RARB: variants seen among roughly 807,000 people sequenced by gnomAD.
The protein encoded by RARB is retinoic acid receptor beta, also known as HBV-activated protein.
RARB carries 17 observed loss-of-function variants against 51.9 expected under a neutral mutation model. The ratio of observed to expected loss-of-function variants is 0.33; its 90% CI spans 0.22 to 0.49. RARB has a LOEUF of 0.49. RARB is among the 20% of genes least tolerant of loss of function. RARB has a pLI of 0.99. For synonymous variants in RARB, 215 were observed against 195.4 expected (o/e 1.10, Z -0.84); for missense variants, 369 against 550.8 (o/e 0.67, Z 3.30).
At chr3:24,920,892 A>G (rs1467105439) in intron 2 of RARB, among the ~76,000 whole-genome samples, 1 of 152,202 alleles carries the variant, frequency 6.6e-6, no homozygotes, top group Non-Finnish European at 1.5e-5. Context: ...CATAATTGAT[A>G]TGATTTGAGT....
At chr3:25,064,530 A>C (rs567857298) in intron 3 of RARB, among the ~76,000 whole-genome samples, 1 of 152,180 alleles carries the variant, frequency 6.6e-6, no homozygotes, top group East Asian at 1.9e-4. Context: ...AGAGACAGTT[A>C]TGGCTTATGT....
At chr3:25,102,636 TTATA>T (rs1329650408) in intron 3 of RARB, among the ~76,000 whole-genome samples, 1 of 152,128 alleles carries the variant, frequency 6.6e-6, no homozygotes, top group Non-Finnish European at 1.5e-5. Flanking sequence ...ATTTTTGAGT[TTATA>T]TATTTATATT....
chr3:25,280,697 T>C (rs2125415670), intron 5 of RARB, among the ~76,000 whole-genome samples: 1 of 152,314 alleles, frequency 6.6e-6, no homozygotes, highest in South Asian at 2.1e-4. Context: ...CCTCATTCTT[T>C]GAAAAGTTAA....
At chr3:25,053,127 T>G (rs960419297) in intron 2 of RARB, among the ~76,000 whole-genome samples, 3 of 152,056 alleles carry the variant, frequency 2.0e-5, no homozygotes, top group Non-Finnish European at 4.4e-5. Context: ...GGGGAGAGAT[T>G]ATAGTTTTTA....
chr3:25,302,451 A>G (rs565701268), intron 5 of RARB, among the ~76,000 whole-genome samples: 30 of 152,364 alleles, frequency 2.0e-4, no homozygotes, highest in African/African-American at 5.3e-4. Flanking sequence ...GTGCCGATAC[A>G]TGTTACAACA....
intron 5 of RARB, among the ~76,000 whole-genome samples, chr3:25,309,517 A>C (rs1168148319): frequency 1.8e-5 from 1 of 55,358 alleles, no homozygotes; most frequent in Non-Finnish European, 3.3e-5. Flanking sequence ...TTTTTTTTTG[A>C]GATAGAGTCT....
At chr3:25,254,415 C>T (rs1422951818) in intron 5 of RARB, among the ~76,000 whole-genome samples, 2 of 152,160 alleles carry the variant, frequency 1.3e-5, no homozygotes, top group African/African-American at 2.4e-5. Context: ...ACTTTAGTCA[C>T]CTAGAGCCTC....
intron 2 of RARB, among the ~76,000 whole-genome samples, chr3:24,938,116 T>G (rs997121180): frequency 6.6e-6 from 1 of 152,046 alleles, no homozygotes; most frequent in Non-Finnish European, 1.5e-5. Flanking sequence ...GCTTGAGAGG[T>G]GATCAAGGTT....
At chr3:25,052,176 C>A (rs1698346115) in intron 2 of RARB, among the ~76,000 whole-genome samples, 1 of 152,166 alleles carries the variant, frequency 6.6e-6, no homozygotes, top group Non-Finnish European at 1.5e-5. Flanking sequence ...ATGTAACTTA[C>A]ATCCATCCTG....
intron 2 of RARB, among the ~76,000 whole-genome samples, chr3:25,033,242 C>T (rs939761502): frequency 7.2e-5 from 11 of 152,064 alleles, no homozygotes; most frequent in African/African-American, 2.4e-4. Context: ...AGTCCTGGCC[C>T]ACCAGAAACT....
intron 3 of RARB, among the ~76,000 whole-genome samples, chr3:25,554,889 C>T (rs1320698398): frequency 6.6e-6 from 1 of 152,120 alleles, no homozygotes; most frequent in African/African-American, 2.4e-5. Flanking sequence ...TGCCAGCCCA[C>T]GTCTCTCTTC....
chr3:25,578,022 T>A (rs1575535927), intron 4 of RARB, among the ~76,000 whole-genome samples: 1 of 152,320 alleles, frequency 6.6e-6, no homozygotes, highest in East Asian at 1.9e-4. Flanking sequence ...GTTTTCCTCA[T>A]CAGCCTGCCT....
At chr3:25,177,389 GGTGGAA>G (rs1700776483) in intron 5 of RARB, among the ~76,000 whole-genome samples, 1 of 152,144 alleles carries the variant, frequency 6.6e-6, no homozygotes, top group South Asian at 2.1e-4. Context: ...CACATACTTG[GGTGGAA>G]AAGCTGACCA....
intron 3 of RARB, among the ~76,000 whole-genome samples, chr3:25,082,877 T>G (rs1699036472): frequency 6.6e-6 from 1 of 152,094 alleles, no homozygotes; most frequent in South Asian, 2.1e-4. Context: ...GTCTAAACTT[T>G]TGTTACTCTG....
chr3:25,436,428 A>G (rs1473243339), intron 1 of RARB, among the ~76,000 whole-genome samples: 1 of 152,218 alleles, frequency 6.6e-6, no homozygotes, highest in Non-Finnish European at 1.5e-5. Context: ...GGAGTACTTT[A>G]TGTGATCAAT....
intron 3 of RARB, among the ~76,000 whole-genome samples, chr3:25,564,691 G>A (rs545782536): frequency 6.6e-6 from 1 of 152,262 alleles, no homozygotes; most frequent in South Asian, 2.1e-4. Flanking sequence ...GGGACATAGA[G>A]ACAAGTAACA....
intron 1 of RARB, among the ~76,000 whole-genome samples, chr3:24,835,649 G>T (rs1159710479): frequency 1.3e-5 from 2 of 152,170 alleles, no homozygotes; most frequent in Non-Finnish European, 2.9e-5. Flanking sequence ...TGGCAATTCA[G>T]ATCCTCTTAA....
At chr3:24,879,911 G>C (rs1703124551) in intron 2 of RARB, among the ~76,000 whole-genome samples, 1 of 151,762 alleles carries the variant, frequency 6.6e-6, no homozygotes, top group Non-Finnish European at 1.5e-5. Context: ...AGGGAGTTTT[G>C]TCCTGCGTGA....
At chr3:24,891,729 G>T (rs1348706049) in intron 2 of RARB, among the ~76,000 whole-genome samples, 1 of 152,120 alleles carries the variant, frequency 6.6e-6, no homozygotes, top group Non-Finnish European at 1.5e-5. Context: ...TTTATGGCCT[G>T]TCAGAAATCG....
Sources: allele counts gnomAD v4.1 joint callset (sites outside exome capture counted in the v4.1 genomes callset), GRCh38; gene constraint gnomAD v4.1.1; transcripts MANE v1.5; gene names NCBI Gene and HGNC (gene_info 2026-07-23, HGNC 2026-07-21).